The following APAF1 variants were observed in gnomAD, a reference collection of about 807,000 sequenced individuals.
APAF1 encodes the protein apoptotic peptidase activating factor 1.
In APAF1, 91 loss-of-function variants were observed where a neutral mutation model predicts 152.4. That is an observed-to-expected ratio of 0.60 (90% CI 0.50 to 0.71). The LOEUF (loss-of-function observed/expected upper bound fraction) is 0.71, where lower values mean the gene tolerates loss of function less well. APAF1 is among the 30% of genes least tolerant of loss of function. The pLI is 0.00. For synonymous variants in APAF1, 484 were observed against 494.1 expected (o/e 0.98, Z 0.27); for missense variants, 1,283 against 1,472.0 (o/e 0.87, Z 2.10).
At position 98,670,364 on chromosome 12, in the gene APAF1, T is replaced by A. The variant is rs1367267687; in HGVS notation, c.1495-609T>A. ...TTGGCCATCTGTGCTTTTTGTTTTG[T>A]GAATTGTGGCTCCCATCCTTTGTTT... On this transcript the variant is annotated intron_variant, in intron 10 of 26. Transcript: ENST00000551964. 2.0e-5 allele frequency among the ~76,000 whole-genome samples: 3 copies of A among 152,356 alleles called. No individual in the cohort carries two copies. In the East Asian group the frequency reaches 5.8e-4, roughly 29 times the overall value.
At position 98,699,526 on chromosome 12, in the gene APAF1, C is replaced by A. The variant is rs755740436; in HGVS notation, c.2423C>A (p.Ala808Asp). The A allele has an allele frequency of 6.2e-7, 1 of 1,614,162 alleles. No homozygotes were observed. Among genetic ancestry groups the A allele is most frequent in the Non-Finnish European group, 8.5e-7 (1 of 1,180,036 alleles). Residue 808 changes from alanine (A) to aspartate (D), a missense_variant, in exon 17 of 27, where the codon GCT becomes GAT. Coordinates refer to ENST00000551964, the MANE Select transcript of APAF1 (RefSeq NM_181861.2). ...ATAGTGAAGTGTTGTTCGTGGTCTG[C>A]TGATGGTGCAAGGATAATGGTGGCA... is the stretch of plus-strand genomic sequence containing the variant. Reference protein sequence around the residue: ...EVIVKCCSWSADGARIMVAAK... With the variant: ...EVIVKCCSWSDDGARIMVAAK...
chr12:98,725,310 A>G, intron 24 of APAF1, 105 bp from the exon 25 acceptor site: 1 of 1,430,570 alleles, frequency 7.0e-7, no homozygotes, highest in Non-Finnish European at 9.7e-7. Context: ...GAATTGCCAG[A>G]TATTAGAATG....
intron 15 of APAF1, 82 bp downstream of exon 15, chr12:98,683,356 C>T (rs980810785): frequency 7.5e-6 from 10 of 1,327,530 alleles, no homozygotes; most frequent in African/African-American, 1.4e-5. Flanking sequence ...ATGTATACTA[C>T]TATTAGGACT....
At chr12:98,663,729 G>T (rs1325805249) in intron 7 of APAF1, among the ~76,000 whole-genome samples, 1 of 151,414 alleles carries the variant, frequency 6.6e-6, no homozygotes, top group Admixed American at 6.6e-5. Flanking sequence ...CGTGATCTCG[G>T]CTCACTGCAA....
intron 15 of APAF1, 37 bp downstream of exon 15, chr12:98,683,311 G>T (rs1298907157): frequency 6.2e-7 from 1 of 1,604,250 alleles, no homozygotes; most frequent in South Asian, 1.1e-5. Flanking sequence ...AGATAAATTT[G>T]ATTCGTACAT....
intron 17 of APAF1, among the ~76,000 whole-genome samples, chr12:98,700,428 A>G (rs965233082): frequency 2.0e-5 from 3 of 152,208 alleles, no homozygotes; most frequent in East Asian, 1.9e-4. Context: ...CTGAGGGATC[A>G]TGTATATGAT....
At chr12:98,707,276 C>T (rs915763563) in intron 19 of APAF1, among the ~76,000 whole-genome samples, 33 of 152,278 alleles carry the variant, frequency 2.2e-4, no homozygotes, top group African/African-American at 7.0e-4. Context: ...CTGGACTGCT[C>T]ACATTTTCCC....
intron 16 of APAF1, among the ~76,000 whole-genome samples, chr12:98,692,717 A>G (rs1278382174): frequency 6.6e-6 from 1 of 152,204 alleles, no homozygotes; most frequent in African/African-American, 2.4e-5. Context: ...GCTGGAAAGG[A>G]CATGATTTTA....
chr12:98,695,188 G>T (rs1168129344), intron 16 of APAF1, among the ~76,000 whole-genome samples: 1 of 152,010 alleles, frequency 6.6e-6, no homozygotes, highest in Non-Finnish European at 1.5e-5. Context: ...AAGTAGCTGG[G>T]ATTACAGGCA....
At chr12:98,691,157 A>C (rs1286122584) in intron 16 of APAF1, among the ~76,000 whole-genome samples, 2 of 152,070 alleles carry the variant, frequency 1.3e-5, no homozygotes, top group Non-Finnish European at 2.9e-5. Flanking sequence ...CAGTAAGCTG[A>C]GATTGCGCCA....
At chr12:98,714,361 A>G (rs1457988336) in intron 21 of APAF1, among the ~76,000 whole-genome samples, 1 of 152,276 alleles carries the variant, frequency 6.6e-6, no homozygotes, top group East Asian at 1.9e-4. Context: ...TGGCAGTTTC[A>G]TATGGTGTAG....
chr12:98,654,445 A>G (rs2097653758), intron 4 of APAF1, among the ~76,000 whole-genome samples: 1 of 152,110 alleles, frequency 6.6e-6, no homozygotes, highest in African/African-American at 2.4e-5. Context: ...TTTGAGACAG[A>G]GCCCCATTCT....
At chr12:98,649,260 A>T in intron 3 of APAF1, 1 of 971,408 alleles carries the variant, frequency 1.0e-6, no homozygotes, top group Middle Eastern at 5.3e-4. Context: ...GCAGATATAG[A>T]TAGAAACTTC....
chr12:98,678,853 C>T (rs572452537), intron 13 of APAF1, among the ~76,000 whole-genome samples: 213 of 152,346 alleles, frequency 1.4e-3, no homozygotes, highest in African/African-American at 4.7e-3. Context: ...CGGCCCCCTC[C>T]GGACTTTGGG....
chr12:98,683,373 T>G (rs1167259536), intron 15 of APAF1, 99 bp downstream of exon 15: 1 of 1,206,128 alleles, frequency 8.3e-7, no homozygotes, highest in East Asian at 2.3e-5. Flanking sequence ...GACTTTCTGG[T>G]CACAATGATA....
At position 98,661,622 on chromosome 12, in the gene APAF1, T is replaced by C. The variant is rs1432849335; in HGVS notation, c.711-834T>C. On this transcript the variant is annotated intron_variant, in intron 5 of 26. Transcript: ENST00000551964. ...TCTTGAGTAGCTGGGATTACAGGCTTGTGCCACCTCGCCTGGCTAATATTA... is the reference window on the plus strand; with the variant it reads ...TCTTGAGTAGCTGGGATTACAGGCTCGTGCCACCTCGCCTGGCTAATATTA... 2.0e-5 allele frequency among the ~76,000 whole-genome samples: 3 copies of C among 152,068 alleles called. No individual in the cohort carries two copies. In the East Asian group the frequency reaches 5.8e-4, roughly 29 times the overall value.
chr12:98,692,996 C>T (rs1315558655), intron 16 of APAF1, among the ~76,000 whole-genome samples: 1 of 152,104 alleles, frequency 6.6e-6, no homozygotes, highest in East Asian at 1.9e-4. Flanking sequence ...AACAAATTTA[C>T]ATTCCCACCA....
At position 98,733,700 on chromosome 12, in the gene APAF1, T is replaced by TGC; in HGVS notation, c.*1134_*1135insGC. ...CCTCCTGCCTCAGCCTCCCAAAGTG[T>TGC]TGGGATTGCAGATATGAGCCACTGG... On this transcript the variant is annotated 3_prime_UTR_variant, in exon 27 of 27. Transcript: ENST00000551964. The TGC allele has an allele frequency of 2.0e-5, 3 of 152,548 alleles. No homozygotes were observed. Among genetic ancestry groups the TGC allele is most frequent in the East Asian group, 1.9e-4 (1 of 5,190 alleles). 9.4% of individuals were successfully genotyped at this position (152,548 alleles called of 1,614,324 possible).
Position 98,665,534 on chromosome 12 carries a change from C to T in APAF1, c.956-19C>T, listed in dbSNP as rs780217391. On this transcript the variant is annotated intron_variant, in intron 7 of 26. Coordinates refer to ENST00000551964, the MANE Select transcript of APAF1 (RefSeq NM_181861.2). ...AAATAGGATGGTATTAGCATAGTGA[C>T]TTCATTTTTTTTTTAAAGGCTCTCC... 7.8e-6 allele frequency: 12 copies of T among 1,539,864 alleles called. No individual in the cohort carries two copies. In the African/African-American group the frequency reaches 1.6e-4, roughly 21 times the overall value.
Sources: gnomAD v4.1 joint callset for allele counts (sites outside exome capture counted in the v4.1 genomes callset) on GRCh38, gnomAD v4.1.1 for gene constraint, MANE v1.5 for transcripts, NCBI Gene and HGNC (gene_info 2026-07-23, HGNC 2026-07-21) for gene names.